Variants in FAP observed in about 807,000 individuals in gnomAD.
FAP encodes prolyl endopeptidase FAP.
FAP carries 110 observed loss-of-function variants against 126.5 expected under a neutral mutation model. The ratio of observed to expected loss-of-function variants is 0.87; its 90% CI spans 0.74 to 1.02. The LOEUF is 1.02. Ranked by LOEUF, FAP falls within the 50% of genes least tolerant of loss-of-function variation. FAP has a pLI of 0.00. For missense variants in FAP, 919 were observed against 909.2 expected (o/e 1.01, Z -0.14); for synonymous variants, 334 against 297.3 (o/e 1.12, Z -1.27).
Position 162,219,047 on chromosome 2 carries a change from A to G in FAP, c.607+16T>C. 6.3e-7 allele frequency: 1 copy of G among 1,577,942 alleles called. No homozygotes were observed. Among genetic ancestry groups the G allele is most frequent in the Non-Finnish European group, 8.6e-7 (1 of 1,163,950 alleles). On this transcript the variant is annotated intron_variant, in intron 8 of 25. Coordinates refer to ENST00000188790, the MANE Select transcript of FAP (RefSeq NM_004460.5). The stretch of plus-strand genomic sequence containing the variant: ...AAAGCCTAAAGCATTAGCAGTAGAA[A>G]AGGAATACAGCTTACCTTCATAAAC...
chr2:162,238,615 C>T (rs749946712), intron 2 of FAP, among the ~76,000 whole-genome samples: 1 of 151,998 alleles, frequency 6.6e-6, no homozygotes, highest in Non-Finnish European at 1.5e-5. Context: ...TTAGACTTTC[C>T]CATATTTTCT....
At chr2:162,240,159 G>A (rs1273279000) in intron 2 of FAP, among the ~76,000 whole-genome samples, 2 of 152,152 alleles carry the variant, frequency 1.3e-5, no homozygotes, top group Non-Finnish European at 2.9e-5. Flanking sequence ...GTAAGCTGAA[G>A]GCAAGGACAA....
chr2:162,224,565 G>C, intron 4 of FAP, 25 bp from the exon 5 acceptor site: 6 of 1,428,410 alleles, frequency 4.2e-6, no homozygotes, highest in Non-Finnish European at 5.8e-6. Flanking sequence ...AGGTTGATTA[G>C]AATACAGAAA....
intron 17 of FAP, among the ~76,000 whole-genome samples, chr2:162,191,344 A>T (rs1391520696): frequency 3.3e-5 from 5 of 152,102 alleles, no homozygotes; most frequent in Non-Finnish European, 7.4e-5. Context: ...TTTTATGGAT[A>T]GTGACTGGGC....
chr2:162,234,512 TTA>T (rs1337436249), intron 2 of FAP, among the ~76,000 whole-genome samples: 9 of 152,232 alleles, frequency 5.9e-5, no homozygotes, highest in Non-Finnish European at 1.2e-4. Flanking sequence ...CAAGATTGTG[TTA>T]TCTGTCAGTA....
intron 3 of FAP, among the ~76,000 whole-genome samples, chr2:162,225,897 T>C (rs985800174): frequency 2.0e-5 from 3 of 152,160 alleles, no homozygotes; most frequent in Non-Finnish European, 4.4e-5. Flanking sequence ...TTTGCAGTAA[T>C]AAACATAAAT....
chr2:162,201,426 C>G (rs1410470168), intron 14 of FAP, among the ~76,000 whole-genome samples: 1 of 152,114 alleles, frequency 6.6e-6, no homozygotes, highest in Non-Finnish European at 1.5e-5. Context: ...AAACTAACAC[C>G]TTTCTATGCA....
At chr2:162,183,331 A>C in intron 21 of FAP, 83 bp downstream of exon 21, 1 of 1,049,966 alleles carries the variant, frequency 9.5e-7, no homozygotes, top group Non-Finnish European at 1.5e-6. Context: ...TTAACATTTC[A>C]TGAGAAACCT....
intron 20 of FAP, among the ~76,000 whole-genome samples, chr2:162,186,776 T>TA (rs1264255501): frequency 6.6e-6 from 1 of 152,008 alleles, no homozygotes; most frequent in Non-Finnish European, 1.5e-5. Flanking sequence ...GCCATGGTGC[T>TA]AAAAAAAGTC....
intron 21 of FAP, among the ~76,000 whole-genome samples, chr2:162,180,720 C>A (rs186964818): frequency 2.6e-5 from 4 of 152,226 alleles, no homozygotes; most frequent in Admixed American, 1.3e-4. Flanking sequence ...TGTGGAGAAG[C>A]CTTAATGAAG....
chr2:162,191,830 T>C (rs527539331), intron 17 of FAP, among the ~76,000 whole-genome samples: 293 of 152,292 alleles, frequency 1.9e-3, no homozygotes, highest in Non-Finnish European at 3.2e-3. Context: ...CCACGGAATC[T>C]GGTTCAAGTA....
Position 162,174,963 on chromosome 2 carries a change from AG to A in FAP, c.1872del (p.Tyr625MetfsTer21). On this transcript the variant is annotated frameshift_variant and splice_region_variant, in exon 22 of 26. Transcript: ENST00000188790. LOFTEE classifies it high-confidence loss of function. ...GCCAGTGATGAAACGTATCCTCCATAGGACTGTAGAGACATTGTTATGAGTC... is the reference window on the plus strand; with the variant it reads ...GCCAGTGATGAAACGTATCCTCCATAGACTGTAGAGACATTGTTATGAGTC... Reference protein sequence around the residue: ...DEKRIAIWGWSYGGYVSSLAL... With the variant: ...DEKRIAIWGWXYGGYVSSLAL... 6.2e-7 allele frequency: 1 copy of A among 1,605,724 alleles called. No individual in the cohort carries two copies.
chr2:162,209,948 A>T lies in FAP; in HGVS notation c.1047+4T>A, dbSNP rs1576171201. The T allele has an allele frequency of 1.2e-6, 2 of 1,612,396 alleles. No homozygotes were observed. The highest frequency in any genetic ancestry group is 1.7e-6 in the Non-Finnish European group (2 of 1,179,054). ...AACATAAGAAAAAGATAGCAAAATC[A>T]TACTCCACCAGCCCATCCAGTTCTG... On this transcript the variant is annotated splice_donor_region_variant and intron_variant, in intron 12 of 25. Transcript: ENST00000188790.
At chr2:162,234,844 C>T (rs1469342612) in intron 2 of FAP, among the ~76,000 whole-genome samples, 3 of 152,066 alleles carry the variant, frequency 2.0e-5, no homozygotes, top group East Asian at 1.9e-4. Context: ...CCTTGGCTTG[C>T]GGGGAGGTGT....
chr2:162,203,916 G>T (rs1470967552), intron 12 of FAP, among the ~76,000 whole-genome samples: 2 of 152,162 alleles, frequency 1.3e-5, no homozygotes, highest in Admixed American at 1.3e-4. Flanking sequence ...TTAGAAAATA[G>T]TTTCGTATTT....
chr2:162,209,606 T>C lies in FAP; in HGVS notation c.1047+346A>G, dbSNP rs552344188. 3.3e-5 allele frequency: 6 copies of C among 183,490 alleles called. No homozygotes were observed. In the East Asian group the frequency reaches 8.6e-4, roughly 26 times the overall value. 11.4% of individuals were successfully genotyped at this position (183,490 alleles called of 1,614,324 possible). A position where few individuals can be genotyped will look rare whatever the true frequency, so the allele number is the denominator to read the frequency against. On this transcript the variant is annotated intron_variant, in intron 12 of 25. Transcript: ENST00000188790. ...TTTTTTGGATTTAAATGGCTAGTAA[T>C]TATTAAGATGATTTTAACAGATCAG... is the stretch of plus-strand genomic sequence containing the variant.
chr2:162,216,072 G>T (rs1195626961), intron 9 of FAP, 71 bp from the exon 10 acceptor site: 8 of 1,100,124 alleles, frequency 7.3e-6, no homozygotes, highest in African/African-American at 1.6e-5. Context: ...GAAACTTTAG[G>T]AATTTAGATA....
In FAP at chr2:162,214,038, T is replaced by A. The variant is rs1361444458; in HGVS notation, c.902A>T (p.Asp301Val). 3.1e-6 allele frequency: 5 copies of A among 1,614,106 alleles called. No homozygotes were observed. In the Admixed American group the frequency reaches 5.0e-5, roughly 16 times the overall value. The change falls in exon 11 of 26, where the codon GAT becomes GTT. Residue 301 changes from aspartate to valine, a missense_variant. Physicochemically the swap from Asp to Val is radical, Grantham distance 152. Transcript: ENST00000188790. ...YYFSWLTWVT[D>V]ERVCLQWLKR... ...TAGCCACTGCAAACATACTCGTTCA[T>A]CAGTAACCCACGTGAGCCAACTGAA...
At chr2:162,195,656 A>G (rs1381400835) in intron 16 of FAP, among the ~76,000 whole-genome samples, 5 of 152,168 alleles carry the variant, frequency 3.3e-5, no homozygotes, top group Admixed American at 6.5e-5. Flanking sequence ...TGTCCACTAC[A>G]TATTCCAACA....
Sources: gnomAD v4.1 joint callset for allele counts (sites outside exome capture counted in the v4.1 genomes callset) on GRCh38, gnomAD v4.1.1 for gene constraint, MANE v1.5 for transcripts, NCBI Gene and HGNC (gene_info 2026-07-23, HGNC 2026-07-21) for gene names.